Variants in ITGA7 observed in about 807,000 individuals in gnomAD.
The protein encoded by ITGA7 is integrin subunit alpha 7.
Under a neutral mutation model 131.6 loss-of-function variants are expected in ITGA7, and 84 were observed. That is an observed-to-expected ratio of 0.64 (90% CI 0.54 to 0.77). ITGA7 has a LOEUF of 0.77. Ranked by LOEUF, ITGA7 falls within the 30% of genes least tolerant of loss-of-function variation. The probability of loss-of-function intolerance (pLI) is 0.00; values close to 1 mark genes in which losing one functional copy is unlikely to be tolerated. For synonymous variants in ITGA7, 548 were observed against 600.7 expected, an observed-to-expected ratio of 0.91 and a Z score of 1.28; for missense variants, 1,399 against 1,482.9, an observed-to-expected ratio of 0.94 and a Z score of 0.93.
In ITGA7 at chr12:55,688,903, A is replaced by G; in HGVS notation, c.2899T>C (p.Phe967Leu). The G allele has an allele frequency of 6.2e-7, 1 of 1,613,990 alleles. No homozygotes were observed. Among genetic ancestry groups the G allele is most frequent in the Admixed American group, 1.7e-5 (1 of 60,010 alleles). The change falls in exon 22 of 25, where the codon TTT becomes CTT. Residue 967 changes from phenylalanine to leucine, a missense_variant. By Grantham distance (22) the Phe-to-Leu change is conservative (BLOSUM62 0). Coordinates refer to ENST00000257879, the MANE Select transcript of ITGA7 (RefSeq NM_002206.3). ...ACATGCAGCACAGCCGCGCGGTCAA[A>G]GCTGTAGAGTGGGCAGCTGAACACC... ...CVVFSCPLYSFDRAAVLHVWG... is the reference protein window; with the variant it reads ...CVVFSCPLYSLDRAAVLHVWG...
intron 3 of ITGA7, among the ~76,000 whole-genome samples, chr12:55,702,243 G>T (rs192024726): frequency 6.6e-6 from 1 of 151,008 alleles, no homozygotes; most frequent in Non-Finnish European, 1.5e-5. Flanking sequence ...GCAGTGGCGC[G>T]ATCTCAGCTC....
rs768823556 is a variant in ITGA7 at position 55,685,163 on chromosome 12, G to C, written c.3309C>G (p.Asn1103Lys). ...EEKTGTILRN[N>K]WGSPRREGPD... ...GGCCCTCCCGCCGGGGGCTGCCCCA[G>C]TTGTTCCTCAGGATGGTGCCCGTCT... The change falls in exon 25 of 25, where the codon AAC becomes AAG. Residue 1103 changes from asparagine to lysine, a missense_variant. Asn to Lys is a moderately conservative substitution (Grantham distance 94). Transcript: ENST00000257879. 2.1e-5 allele frequency: 34 copies of C among 1,614,008 alleles called. No homozygotes were observed. The highest frequency in any genetic ancestry group is 2.5e-6 in the Non-Finnish European group (3 of 1,180,042).
At chr12:55,696,251 T>A (rs1047668098) in intron 13 of ITGA7, 32 bp downstream of exon 13, 2 of 1,549,790 alleles carry the variant, frequency 1.3e-6, no homozygotes, top group Admixed American at 1.9e-5. Context: ...TCCCAGCTCC[T>A]CCCCCTGGGC....
chr12:55,704,217 T>G (rs772121037), intron 1 of ITGA7, among the ~76,000 whole-genome samples: 1 of 152,188 alleles, frequency 6.6e-6, no homozygotes. Flanking sequence ...TCTCCCTTCC[T>G]GGGGGGCAAG....
At chr12:55,716,173 A>T (rs767243561), upstream of ITGA7, 3 of 1,612,204 alleles carry the variant, frequency 1.9e-6, no homozygotes, top group Non-Finnish European at 2.5e-6. Context: ...CAGGCCAAGC[A>T]GAATGAACGC....
chr12:55,696,388 G>A lies in ITGA7; in HGVS notation c.1782C>T (p.Ser594=), dbSNP rs1471532843. 6.2e-7 allele frequency: 1 copy of A among 1,600,122 alleles called. No individual in the cohort carries two copies. Among genetic ancestry groups the A allele is most frequent in the Non-Finnish European group, 8.5e-7 (1 of 1,172,224 alleles). ...DKLRAIVVTL[S]YSLQTPRLRR... ...GGAGCCGAGGGGTCTGGAGACTGTA[G>A]GACAAGGTCACTACAATGGCCCGAA... Residue 594 remains serine, a synonymous_variant, in exon 13 of 25, where the codon TCC becomes TCT. Coordinates refer to ENST00000257879, the MANE Select transcript of ITGA7 (RefSeq NM_002206.3).
At chr12:55,710,877 T>G (rs1391605934), upstream of ITGA7, among the ~76,000 whole-genome samples, 1 of 149,410 alleles carries the variant, frequency 6.7e-6, no homozygotes, top group Non-Finnish European at 1.5e-5. Context: ...TGGAGGGGGG[T>G]GGGGACAAAC....
chr12:55,697,419 C>A, intron 10 of ITGA7, 32 bp downstream of exon 10: 1 of 1,606,076 alleles, frequency 6.2e-7, no homozygotes, highest in South Asian at 1.1e-5. Context: ...GGGAAGCTGC[C>A]AGGGTCCAGG....
intron 1 of ITGA7, among the ~76,000 whole-genome samples, 172 bp downstream of exon 1, chr12:55,707,305 G>A (rs1434295401): frequency 6.6e-6 from 1 of 152,180 alleles, no homozygotes; most frequent in Non-Finnish European, 1.5e-5. Flanking sequence ...GGGAAGTGCA[G>A]CTTCAGACGC....
Position 55,693,329 on chromosome 12 carries a change from A to C in ITGA7, c.2536-12T>G. The C allele has an allele frequency of 8.1e-6, 13 of 1,612,038 alleles. No individual in the cohort carries two copies. Among genetic ancestry groups the C allele is most frequent in the Non-Finnish European group, 1.0e-5 (12 of 1,178,308 alleles). On this transcript the variant is annotated splice_polypyrimidine_tract_variant and intron_variant, in intron 19 of 24. Transcript: ENST00000257879. ...CCTTGGTTGGAAACCTGTGGGAAAA[A>C]GAGAGTATGAGGGGAGAGACCTCAG...
rs141486781 is a variant in ITGA7, at chr12:55,685,100, G to A, written c.3372C>T (p.Pro1124=). The A allele has an allele frequency of 9.3e-5, 150 of 1,606,904 alleles. No homozygotes were observed. Among genetic ancestry groups the A allele is most frequent in the Middle Eastern group, 8.3e-4 (5 of 6,034 alleles). The part of the protein sequence containing the change: ...AHPILAADGH[P]ELGPDGHPGP... ...CTGGATGCCCATCGGGGCCCAGCTCGGGATGCCCGTCAGCAGCCAGGATGG... is the reference window on the plus strand; with the variant it reads ...CTGGATGCCCATCGGGGCCCAGCTCAGGATGCCCGTCAGCAGCCAGGATGG... Residue 1124 remains proline (P), a synonymous_variant, in exon 25 of 25, where the codon CCC becomes CCT. Coordinates refer to ENST00000257879, the MANE Select transcript of ITGA7 (RefSeq NM_002206.3).
rs752629805 is a variant in ITGA7, at chr12:55,702,845, C to T, written c.414+27G>A. 8 of 1,583,236 alleles carry T rather than the reference C, an allele frequency of 5.1e-6. No homozygotes were observed. The Admixed American group carries it at 1.3e-4, about 26-fold the overall frequency. ...CACACACACACACACCCCATCCGTG[C>T]ATTCAGTCATGAGAAGCAATACTCA... is the stretch of plus-strand genomic sequence containing the variant. On this transcript the variant is annotated intron_variant, in intron 3 of 24. Transcript: ENST00000257879.
intron 3 of ITGA7, 38 bp downstream of exon 3, chr12:55,702,834 C>T: frequency 6.4e-7 from 1 of 1,553,014 alleles, no homozygotes; most frequent in East Asian, 2.2e-5. Context: ...CACACACACA[C>T]CCCATCCGTG....
intron 24 of ITGA7, among the ~76,000 whole-genome samples, chr12:55,686,822 C>G (rs1348676267): frequency 6.6e-6 from 1 of 152,238 alleles, no homozygotes; most frequent in Non-Finnish European, 1.5e-5. Flanking sequence ...TGAGGGCAGT[C>G]CCCTGGAGGC....
At chr12:55,686,245 C>T (rs1565608277) in intron 24 of ITGA7, 1 of 1,350,358 alleles carries the variant, frequency 7.4e-7, no homozygotes. Flanking sequence ...GAAGGCTGCA[C>T]AGCCAGACAG....
chr12:55,711,026 GA>G (rs1876061528), upstream of ITGA7, among the ~76,000 whole-genome samples: 2 of 152,264 alleles, frequency 1.3e-5, no homozygotes, highest in South Asian at 4.1e-4. Context: ...AAAAAATGGT[GA>G]AAACTGAGTG....
chr12:55,712,543 A>C (rs1021406306), upstream of ITGA7: 4 of 532,770 alleles, frequency 7.5e-6, no homozygotes, highest in Non-Finnish European at 1.3e-5. Flanking sequence ...AAATGAGTGA[A>C]GAAAGGAGTG....
intron 24 of ITGA7, chr12:55,686,182 T>A: frequency 7.8e-7 from 1 of 1,289,818 alleles, no homozygotes; most frequent in Non-Finnish European, 1.0e-6. Context: ...ACTAGACACA[T>A]GCACACACAC....
At position 55,702,886 on chromosome 12, in the gene ITGA7, C is replaced by G; in HGVS notation, c.400G>C (p.Gly134Arg). 1 of 1,613,084 alleles carries G rather than the reference C, an allele frequency of 6.2e-7. No individual in the cohort carries two copies. The highest frequency in any genetic ancestry group is 8.5e-7 in the Non-Finnish European group (1 of 1,179,982). The change falls in exon 3 of 25, where the codon GGG becomes CGG. Residue 134 changes from glycine to arginine, a missense_variant. Physicochemically the swap from Gly to Arg is moderately radical, Grantham distance 125. Transcript: ENST00000257879. ...LGVSVRSQGPGGKIVTCAHRY... is the reference protein window; with the variant it reads ...LGVSVRSQGPRGKIVTCAHRY... Reference sequence around the variant, plus strand: ...GCAATACTCACAACAATCTTGCCCCCAGGCCCCTGGCTCCGAACACTGACT... The same window carrying G: ...GCAATACTCACAACAATCTTGCCCCGAGGCCCCTGGCTCCGAACACTGACT...
Sources: allele counts gnomAD v4.1 joint callset (sites outside exome capture counted in the v4.1 genomes callset), GRCh38; gene constraint gnomAD v4.1.1; transcripts MANE v1.5; gene names NCBI Gene and HGNC (gene_info 2026-07-23, HGNC 2026-07-21).